The following LGSN variants were observed in gnomAD, a reference collection of about 807,000 sequenced individuals.
The protein encoded by LGSN is lengsin, lens protein with glutamine synthetase domain.
A neutral mutation model predicts 19.5 loss-of-function variants in LGSN; 21 were observed. The observed-to-expected ratio is 1.07, with a 90% CI of 0.76 to 1.55. LGSN has a LOEUF of 1.55. Ranked by LOEUF, LGSN falls within the 40% of genes most tolerant of loss-of-function variation. LGSN has a pLI of 0.00. For synonymous variants in LGSN, 257 were observed against 215.6 expected, an observed-to-expected ratio of 1.19 and a Z score of -1.68; for missense variants, 673 against 608.5, an observed-to-expected ratio of 1.11 and a Z score of -1.12.
chr6:63,454,567 G>C, the LGSN span, among the ~76,000 whole-genome samples: 20 of 149,886 alleles, frequency 1.3e-4, no homozygotes, highest in Non-Finnish European at 2.8e-4. Context: ...CCGCCTCCCG[G>C]GTTCAAGCAG....
the LGSN span, among the ~76,000 whole-genome samples, chr6:63,485,231 A>G: frequency 6.6e-6 from 1 of 151,744 alleles, no homozygotes; most frequent in East Asian, 1.9e-4. Flanking sequence ...GTTCCCCTCT[A>G]TGTGTTCATG....
chr6:63,324,843 C>T (rs142044507), upstream of LGSN, among the ~76,000 whole-genome samples: 5,031 of 151,508 alleles, frequency 0.033, 281 homozygotes, highest in African/African-American at 0.12. Context: ...CATGGTGGCT[C>T]ATGCCTGTAA....
At chr6:63,343,717 G>T in the LGSN span, among the ~76,000 whole-genome samples, 1 of 152,190 alleles carries the variant, frequency 6.6e-6, no homozygotes, top group Non-Finnish European at 1.5e-5. Context: ...TCTAGGTACT[G>T]CCGTGAAGGG....
At chr6:63,409,103 G>T in the LGSN span, among the ~76,000 whole-genome samples, 1 of 152,078 alleles carries the variant, frequency 6.6e-6, no homozygotes, top group Non-Finnish European at 1.5e-5. Context: ...GTAGAGACAG[G>T]ATCATGCTGT....
chr6:63,435,286 A>G, the LGSN span, among the ~76,000 whole-genome samples: 5 of 152,262 alleles, frequency 3.3e-5, no homozygotes, highest in Non-Finnish European at 5.9e-5. Context: ...AGAAGATTCC[A>G]TTAAGGCTTA....
At chr6:63,551,179 C>T in the LGSN span, among the ~76,000 whole-genome samples, 3 of 152,220 alleles carry the variant, frequency 2.0e-5, no homozygotes, top group South Asian at 2.1e-4. Context: ...GATTCTCCTG[C>T]CTCAGCCTCC....
At chr6:63,549,796 C>T in the LGSN span, among the ~76,000 whole-genome samples, 1 of 151,654 alleles carries the variant, frequency 6.6e-6, no homozygotes. Context: ...ACAGGGTATA[C>T]TAGAGGCTTG....
the LGSN span, among the ~76,000 whole-genome samples, chr6:63,387,096 G>T: frequency 4.6e-5 from 7 of 151,856 alleles, no homozygotes; most frequent in Non-Finnish European, 1.0e-4. Context: ...GCAAGACTCC[G>T]TCTCAAAAAA....
chr6:63,457,763 C>G, the LGSN span, among the ~76,000 whole-genome samples: 1 of 151,802 alleles, frequency 6.6e-6, no homozygotes, highest in African/African-American at 2.4e-5. Context: ...CCTGTAATCC[C>G]AGTTACTCAG....
the LGSN span, among the ~76,000 whole-genome samples, chr6:63,330,692 A>G: frequency 6.6e-6 from 1 of 152,166 alleles, no homozygotes; most frequent in Non-Finnish European, 1.5e-5. Context: ...TCCAGTCCCC[A>G]TGATCTGAGT....
upstream of LGSN, among the ~76,000 whole-genome samples, chr6:63,324,085 T>C (rs796764043): frequency 4.9e-4 from 74 of 152,294 alleles, 1 homozygote; most frequent in African/African-American, 1.8e-3. Flanking sequence ...ATTTATTCTT[T>C]TGATACAGCC....
intron 3 of LGSN, among the ~76,000 whole-genome samples, chr6:63,281,909 T>A (rs1237409987): frequency 1.3e-5 from 2 of 152,238 alleles, no homozygotes; most frequent in African/African-American, 4.8e-5. Flanking sequence ...CAAAATGTTG[T>A]AGCCTTCAAG....
the LGSN span, among the ~76,000 whole-genome samples, chr6:63,346,526 T>G: frequency 2.0e-5 from 3 of 152,218 alleles, no homozygotes; most frequent in South Asian, 6.2e-4. Context: ...TTTTATAATA[T>G]CCTTTATAAT....
the LGSN span, among the ~76,000 whole-genome samples, chr6:63,567,153 C>T: frequency 3.3e-5 from 5 of 152,322 alleles, no homozygotes; most frequent in South Asian, 1.0e-3. Context: ...GAGTTAACTT[C>T]TTTCAAACTC....
the LGSN span, among the ~76,000 whole-genome samples, chr6:63,494,169 C>G: frequency 3.6e-3 from 543 of 152,016 alleles, 3 homozygotes; most frequent in African/African-American, 0.01. Flanking sequence ...AAGCTGGTCT[C>G]GAATTTCTGA....
chr6:63,485,817 C>CT, the LGSN span, among the ~76,000 whole-genome samples: 1 of 152,126 alleles, frequency 6.6e-6, no homozygotes, highest in Non-Finnish European at 1.5e-5. Flanking sequence ...CAACCTCTGC[C>CT]TCCCGGGTTC....
the LGSN span, among the ~76,000 whole-genome samples, chr6:63,381,898 T>G: frequency 6.6e-6 from 1 of 152,270 alleles, no homozygotes; most frequent in East Asian, 1.9e-4. Context: ...CAACAAAAAG[T>G]CACTAAGGGA....
the LGSN span, among the ~76,000 whole-genome samples, chr6:63,526,837 T>TA: frequency 9.6e-3 from 843 of 87,402 alleles, no homozygotes; most frequent in Non-Finnish European, 0.015. Context: ...ATATATATAT[T>TA]TATTTATTTA....
At chr6:63,391,197 A>G in the LGSN span, among the ~76,000 whole-genome samples, 1 of 152,236 alleles carries the variant, frequency 6.6e-6, no homozygotes, top group African/African-American at 2.4e-5. Context: ...TTTATTTGCA[A>G]TGTATAAATG....
Sources: gnomAD v4.1 joint callset for allele counts (sites outside exome capture counted in the v4.1 genomes callset) on GRCh38, gnomAD v4.1.1 for gene constraint, MANE v1.5 for transcripts, NCBI Gene and HGNC (gene_info 2026-07-23, HGNC 2026-07-21) for gene names.